Variants in ABCG1 observed in about 807,000 individuals in gnomAD.
ABCG1 encodes ATP binding cassette subfamily G member 1.
Under a neutral mutation model 69.2 loss-of-function variants are expected in ABCG1, and 29 were observed. That is an observed-to-expected ratio of 0.42 (90% CI 0.31 to 0.57). The LOEUF (loss-of-function observed/expected upper bound fraction) is 0.57, where lower values mean the gene tolerates loss of function less well. Ranked by LOEUF, ABCG1 falls within the 20% of genes least tolerant of loss-of-function variation. ABCG1 has a pLI of 0.15. For synonymous variants in ABCG1, 370 were observed against 374.8 expected (o/e 0.99, Z 0.15); for missense variants, 718 against 898.1 (o/e 0.80, Z 2.56).
At chr21:42,258,723 AG>A (rs1318470196) in intron 2 of ABCG1, among the ~76,000 whole-genome samples, 5 of 152,060 alleles carry the variant, frequency 3.3e-5, no homozygotes, top group Admixed American at 2.0e-4. Flanking sequence ...TCTGCCTCTC[AG>A]GGGAGTAGGG....
At chr21:42,230,658 C>T (rs1408013055) in intron 2 of ABCG1, among the ~76,000 whole-genome samples, 1 of 152,200 alleles carries the variant, frequency 6.6e-6, no homozygotes, top group Non-Finnish European at 1.5e-5. Context: ...TTTCAGAGCC[C>T]ATTCACACAA....
At chr21:42,201,282 T>G (rs1326211127) in intron 1 of ABCG1, among the ~76,000 whole-genome samples, 1 of 104,682 alleles carries the variant, frequency 9.6e-6, no homozygotes. Context: ...AGGCATTAGT[T>G]AGATTTAGAT....
chr21:42,211,968 T>C (rs2123474787), upstream of ABCG1, among the ~76,000 whole-genome samples: 1 of 152,050 alleles, frequency 6.6e-6, no homozygotes, highest in South Asian at 2.1e-4. Context: ...GATTAGGCCA[T>C]GAGGAATGGG....
At chr21:42,277,454 T>C (rs1193662974) in intron 5 of ABCG1, among the ~76,000 whole-genome samples, 1 of 150,682 alleles carries the variant, frequency 6.6e-6, no homozygotes, top group Non-Finnish European at 1.5e-5. Context: ...GAAGACTTTC[T>C]AATCCCTTTA....
At chr21:42,239,828 G>A (rs952051316) in intron 2 of ABCG1, among the ~76,000 whole-genome samples, 14 of 152,240 alleles carry the variant, frequency 9.2e-5, no homozygotes, top group Non-Finnish European at 5.9e-5. Flanking sequence ...GCTCTGTGTC[G>A]TAGATGCTCA....
chr21:42,275,848 G>A (rs1014882117), intron 4 of ABCG1, among the ~76,000 whole-genome samples: 7 of 152,224 alleles, frequency 4.6e-5, no homozygotes, highest in Non-Finnish European at 7.3e-5. Context: ...TGCGGAGTCC[G>A]GATCCCACAT....
intron 2 of ABCG1, among the ~76,000 whole-genome samples, chr21:42,254,197 T>A (rs2068266636): frequency 6.6e-6 from 1 of 152,172 alleles, no homozygotes; most frequent in South Asian, 2.1e-4. Flanking sequence ...CGGGTGACCA[T>A]GTTAAGGCCA....
chr21:42,293,504 A>T (rs556051472), intron 13 of ABCG1, among the ~76,000 whole-genome samples: 1 of 145,874 alleles, frequency 6.9e-6, no homozygotes, highest in African/African-American at 2.6e-5. Flanking sequence ...CACACATCAC[A>T]CTACACACTA....
intron 2 of ABCG1, among the ~76,000 whole-genome samples, chr21:42,252,490 G>A (rs749638157): frequency 6.6e-6 from 1 of 152,156 alleles, no homozygotes; most frequent in Non-Finnish European, 1.5e-5. Flanking sequence ...CAAAGCCAGG[G>A]CCGCCGGGCA....
At chr21:42,281,093 G>A (rs1016051650) in intron 5 of ABCG1, among the ~76,000 whole-genome samples, 14 of 152,194 alleles carry the variant, frequency 9.2e-5, no homozygotes, top group East Asian at 1.9e-4. Flanking sequence ...GCCGTGCCCC[G>A]GTTCTTTCTG....
chr21:42,260,722 C>T (rs1205560623), intron 2 of ABCG1, among the ~76,000 whole-genome samples: 2 of 152,160 alleles, frequency 1.3e-5, no homozygotes, highest in Non-Finnish European at 2.9e-5. Flanking sequence ...AGAGGCATCC[C>T]AGAAACTGAA....
intron 2 of ABCG1, among the ~76,000 whole-genome samples, chr21:42,247,655 A>T (rs564681254): frequency 3.0e-4 from 45 of 152,332 alleles, no homozygotes; most frequent in Admixed American, 6.5e-4. Context: ...ATGTGACCTT[A>T]TTCAGAAAAA....
At chr21:42,239,937 G>A (rs2123591480) in intron 2 of ABCG1, among the ~76,000 whole-genome samples, 1 of 152,334 alleles carries the variant, frequency 6.6e-6, no homozygotes, top group South Asian at 2.1e-4. Context: ...GGTCATTTTT[G>A]GGTGTCTGGT....
At chr21:42,232,159 A>G (rs920990488) in intron 2 of ABCG1, among the ~76,000 whole-genome samples, 3 of 152,226 alleles carry the variant, frequency 2.0e-5, no homozygotes, top group Non-Finnish European at 4.4e-5. Flanking sequence ...GAGGCTTTGA[A>G]AAAATTTTGA....
rs757135495 is a variant in ABCG1 at position 42,225,879 on chromosome 21, A to T, written c.251A>T (p.Tyr84Phe). ...AACATTGAATTCAGGGACCTTTCCT[A>T]TTCGGTTCCTGAAGGACCCTGGTGG... ...AVNIEFRDLS[Y>F]SVPEGPWWRK... Residue 84 changes from tyrosine to phenylalanine, a missense_variant, in exon 2 of 15, where the codon TAT becomes TTT. This residue lies in a region of ABCG1 where 514 missense variants were observed against 574.3 expected (regional missense o/e 0.90). Coordinates refer to ENST00000398449, the MANE Select transcript of ABCG1 (RefSeq NM_016818.3). 1 of 1,613,602 alleles carries T rather than the reference A, an allele frequency of 6.2e-7. No individual in the cohort carries two copies. The highest frequency in any genetic ancestry group is 1.3e-5 in the African/African-American group (1 of 74,986).
rs1038402773 is a variant in ABCG1 at position 42,273,246 on chromosome 21, G to C, written c.405-57G>C. The stretch of plus-strand genomic sequence containing the variant: ...CTCTGGCTCCCCTCTCCTGCCCCGG[G>C]AGGTGGAGGAGGAGCAGGAGCCCGG... On this transcript the variant is annotated intron_variant, in intron 3 of 14. Transcript: ENST00000398449. This position sits in a 1 kb window ranked among gnomAD's most constrained non-coding sequence, Gnocchi z 5.3. The C allele has an allele frequency of 1.9e-6, 3 of 1,573,514 alleles. No individual in the cohort carries two copies. The African/African-American group carries it at 4.0e-5, about 21-fold the overall frequency.
intron 2 of ABCG1, among the ~76,000 whole-genome samples, chr21:42,269,592 C>T (rs983624899): frequency 5.3e-5 from 8 of 152,234 alleles, no homozygotes; most frequent in East Asian, 1.9e-4. Context: ...CTCCCTGGGG[C>T]GACAACCGCC....
At position 42,226,029 on chromosome 21, in the gene ABCG1, C is replaced by T. The variant is rs570078286; in HGVS notation, c.286+115C>T. ...TGAGAGGCTGAGCTTCTCTTCCCAA[C>T]GCCGTCACTGCTGTGGTCAATTTAT... On this transcript the variant is annotated intron_variant, in intron 2 of 14. Transcript: ENST00000398449. 5.6e-5 allele frequency: 67 copies of T among 1,201,042 alleles called. 1 individual carries two copies. In the South Asian group the frequency reaches 8.4e-4, roughly 15 times the overall value. 74.4% of individuals were successfully genotyped at this position (1,201,042 alleles called of 1,614,324 possible).
At chr21:42,244,265 G>A (rs2068100187) in intron 2 of ABCG1, among the ~76,000 whole-genome samples, 1 of 152,188 alleles carries the variant, frequency 6.6e-6, no homozygotes, top group African/African-American at 2.4e-5. Context: ...AGCTCACAGG[G>A]ATTCAGGAGG....
Sources: gnomAD v4.1 joint callset for allele counts (sites outside exome capture counted in the v4.1 genomes callset) on GRCh38, gnomAD v4.1.1 for gene constraint, gnomAD v4.1.1 regional missense constraint, Gnocchi (gnomAD v3.1) non-coding constraint, MANE v1.5 for transcripts, NCBI Gene and HGNC (gene_info 2026-07-23, HGNC 2026-07-21) for gene names.